The following SMAD2 variants were observed in gnomAD, a reference collection of about 807,000 sequenced individuals.
SMAD2 encodes the protein MAD homolog 2.
SMAD2 carries 8 observed loss-of-function variants against 64.4 expected under a neutral mutation model. The ratio of observed to expected loss-of-function variants is 0.12; its 90% CI spans 0.07 to 0.22. The LOEUF is 0.22. SMAD2 is among the 10% of genes least tolerant of loss of function. The pLI, the probability that SMAD2 is intolerant of heterozygous loss-of-function variation, is 1.00. For missense variants in SMAD2, 289 were observed against 561.2 expected (o/e 0.51, Z 4.90); for synonymous variants, 203 against 195.8 (o/e 1.04, Z -0.31).
chr18:47,916,456 G>A (rs750002110), intron 1 of SMAD2, among the ~76,000 whole-genome samples: 18 of 151,886 alleles, frequency 1.2e-4, no homozygotes, highest in Admixed American at 2.0e-4. Flanking sequence ...TCACTCTGTC[G>A]CCCAGGCTGG....
intron 2 of SMAD2, among the ~76,000 whole-genome samples, chr18:47,883,444 G>A (rs948249443): frequency 2.0e-5 from 3 of 152,130 alleles, no homozygotes; most frequent in Non-Finnish European, 2.9e-5. Flanking sequence ...CACTTGAAAC[G>A]CTTGTATTTC....
intron 10 of SMAD2, among the ~76,000 whole-genome samples, chr18:47,842,429 A>T (rs1431055132): frequency 2.6e-5 from 4 of 152,038 alleles, no homozygotes; most frequent in African/African-American, 9.7e-5. Flanking sequence ...AGTCCCAGCT[A>T]CTCGGGAGGC....
intron 1 of SMAD2, among the ~76,000 whole-genome samples, chr18:47,917,107 G>GC (rs1290123657): frequency 6.6e-6 from 1 of 152,168 alleles, no homozygotes; most frequent in Non-Finnish European, 1.5e-5. Context: ...TGCAACCTCT[G>GC]CCTCCTGGGT....
At chr18:47,893,463 T>C (rs576397396) in intron 2 of SMAD2, among the ~76,000 whole-genome samples, 2 of 152,378 alleles carry the variant, frequency 1.3e-5, no homozygotes, top group South Asian at 2.1e-4. Flanking sequence ...CTGAACTTAG[T>C]TGTATTTTTT....
At chr18:47,886,663 G>C (rs1483915641) in intron 2 of SMAD2, among the ~76,000 whole-genome samples, 1 of 151,904 alleles carries the variant, frequency 6.6e-6, no homozygotes, top group African/African-American at 2.4e-5. Context: ...TGGGGTGAAG[G>C]AGTTAGTGAG....
Position 47,833,447 on chromosome 18 carries a change from G to T in SMAD2, c.*8380C>A. 1 of 227,818 alleles carries T rather than the reference G, an allele frequency of 4.4e-6. No homozygotes were observed. 14.1% of individuals were successfully genotyped at this position (227,818 alleles called of 1,614,324 possible). A position where few individuals can be genotyped will look rare whatever the true frequency, so the allele number is the denominator to read the frequency against. On this transcript the variant is annotated 3_prime_UTR_variant, in exon 11 of 11. Transcript: ENST00000262160. ...CCACATCGTACTTTTGACAATCATAGAACGAAAGCTCACAAAGAACACATT... is the reference window on the plus strand; with the variant it reads ...CCACATCGTACTTTTGACAATCATATAACGAAAGCTCACAAAGAACACATT...
chr18:47,891,253 C>T lies in SMAD2; in HGVS notation c.236+5268G>A, dbSNP rs549186617. Reference sequence around the variant, plus strand: ...CTGGGAGGCGGAAGTTGCAGTGAGCCGAGATCCCGCCACTGCACCGCAGCC... The same window carrying T: ...CTGGGAGGCGGAAGTTGCAGTGAGCTGAGATCCCGCCACTGCACCGCAGCC... On this transcript the variant is annotated intron_variant, in intron 2 of 10. Coordinates refer to ENST00000262160, the MANE Select transcript of SMAD2 (RefSeq NM_005901.6). Among the ~76,000 whole-genome samples, 38 of 152,228 alleles carry T rather than the reference C, an allele frequency of 2.5e-4. 1 individual carries two copies. In the South Asian group the frequency reaches 7.9e-3, roughly 32 times the overall value.
intron 6 of SMAD2, among the ~76,000 whole-genome samples, chr18:47,857,577 A>T (rs1008786312): frequency 6.6e-6 from 1 of 152,246 alleles, no homozygotes; most frequent in Non-Finnish European, 1.5e-5. Flanking sequence ...CTTTAAAGTT[A>T]TCACACAGAT....
chr18:47,898,749 A>G (rs1052033942), intron 1 of SMAD2, among the ~76,000 whole-genome samples: 7 of 152,170 alleles, frequency 4.6e-5, no homozygotes, highest in Non-Finnish European at 8.8e-5. Flanking sequence ...GACAATTAAG[A>G]GAAATTGCAA....
At chr18:47,882,018 C>G (rs2032620891) in intron 2 of SMAD2, among the ~76,000 whole-genome samples, 1 of 120,780 alleles carries the variant, frequency 8.3e-6, no homozygotes, top group Non-Finnish European at 1.8e-5. Context: ...ACTGAAACCA[C>G]AGGAATGTAC....
At chr18:47,881,786 G>T (rs2032605395) in intron 2 of SMAD2, among the ~76,000 whole-genome samples, 1 of 152,170 alleles carries the variant, frequency 6.6e-6, no homozygotes, top group South Asian at 2.1e-4. Flanking sequence ...TATCATGAAT[G>T]GATGATGAAT....
intron 6 of SMAD2, among the ~76,000 whole-genome samples, chr18:47,863,706 A>C (rs1185032338): frequency 6.6e-6 from 1 of 152,218 alleles, no homozygotes; most frequent in African/African-American, 2.4e-5. Flanking sequence ...TTTGATGGAC[A>C]TCTGAGTTGT....
At chr18:47,850,278 T>TAATGTTA (rs1251601206) in intron 7 of SMAD2, among the ~76,000 whole-genome samples, 2 of 66,676 alleles carry the variant, frequency 3.0e-5, no homozygotes, top group African/African-American at 1.3e-4. Context: ...ATATTATATA[T>TAATGTTA]TATATATATT....
rs1343580343 is a variant in SMAD2 at position 47,815,817 on chromosome 18, G to A, written c.*26010C>T. On this transcript the variant is annotated 3_prime_UTR_variant, in exon 11 of 11. Transcript: ENST00000262160. ...TCTTAATTTTCCTGTTGTCTTAACA[G>A]AGGATTTACTGAGCCCATGTATGCT... 6.6e-6 allele frequency: 1 copy of A among 152,162 alleles called. No homozygotes were observed. The highest frequency in any genetic ancestry group is 1.9e-4 in the East Asian group (1 of 5,204). The allele number at this position is 152,162 out of a possible 1,614,324, so 9.4% of individuals were successfully genotyped here.
At position 47,831,510 on chromosome 18, in the gene SMAD2, G is replaced by A. The variant is rs959194514; in HGVS notation, c.*10317C>T. 3 of 152,180 alleles carry A rather than the reference G, an allele frequency of 2.0e-5. No individual in the cohort carries two copies. Among genetic ancestry groups the A allele is most frequent in the African/African-American group, 4.8e-5 (2 of 41,436 alleles). The allele number at this position is 152,180 out of a possible 1,614,324, so 9.4% of individuals were successfully genotyped here. Reference sequence around the variant, plus strand: ...TAACATTTAGAAAGGTGCAGAGGCAGCCAACAAAACTATTGAAGACAGACT... The same window carrying A: ...TAACATTTAGAAAGGTGCAGAGGCAACCAACAAAACTATTGAAGACAGACT... On this transcript the variant is annotated 3_prime_UTR_variant, in exon 11 of 11. Transcript: ENST00000262160.
rs1021055629 is a variant in SMAD2, at chr18:47,810,046, C to T, written c.*31781G>A. On this transcript the variant is annotated 3_prime_UTR_variant, in exon 11 of 11. Transcript: ENST00000262160. The stretch of plus-strand genomic sequence containing the variant: ...GAGTTGAAACACATACTCTTTCAGA[C>T]ATGAAGTCAGAGGGCTTCTGCCATC... The T allele has an allele frequency of 1.3e-5, 2 of 152,160 alleles. No individual in the cohort carries two copies. Among genetic ancestry groups the T allele is most frequent in the African/African-American group, 4.8e-5 (2 of 41,432 alleles). 9.4% of individuals were successfully genotyped at this position (152,160 alleles called of 1,614,324 possible).
At position 47,869,453 on chromosome 18, in the gene SMAD2, G is replaced by T. The variant is rs1334190537; in HGVS notation, c.327-17C>A. On this transcript the variant is annotated splice_polypyrimidine_tract_variant and intron_variant, in intron 3 of 10. Transcript: ENST00000262160. The stretch of plus-strand genomic sequence containing the variant: ...TCAAGAGACCTGTTGGGAAGCAAGG[G>T]GAAAAGAAAGGAGGGAACTTTAAAA... 1 of 1,583,252 alleles carries T rather than the reference G, an allele frequency of 6.3e-7. No individual in the cohort carries two copies. The highest frequency in any genetic ancestry group is 8.6e-7 in the Non-Finnish European group (1 of 1,162,000).
At chr18:47,926,600 T>C (rs2034776159) in intron 1 of SMAD2, among the ~76,000 whole-genome samples, 2 of 152,194 alleles carry the variant, frequency 1.3e-5, no homozygotes, top group Admixed American at 1.3e-4. Context: ...ATAACTTTGC[T>C]TGTTAGAAAC....
chr18:47,908,829 ATC>A (rs1439525894), intron 1 of SMAD2, among the ~76,000 whole-genome samples: 1 of 152,190 alleles, frequency 6.6e-6, no homozygotes, highest in Non-Finnish European at 1.5e-5. Flanking sequence ...GTAAAAAGTG[ATC>A]TCTCACATTT....
Sources: gnomAD v4.1 joint callset for allele counts (sites outside exome capture counted in the v4.1 genomes callset) on GRCh38, gnomAD v4.1.1 for gene constraint, MANE v1.5 for transcripts, NCBI Gene and HGNC (gene_info 2026-07-23, HGNC 2026-07-21) for gene names.